The following GHITM variants were observed in gnomAD, a reference collection of about 807,000 sequenced individuals.
The protein encoded by GHITM is growth hormone inducible transmembrane protein.
Under a neutral mutation model 38.7 loss-of-function variants are expected in GHITM, and 24 were observed. The observed-to-expected ratio is 0.62, with a 90% CI of 0.45 to 0.87. The LOEUF (loss-of-function observed/expected upper bound fraction) is 0.87. GHITM is among the 40% of genes least tolerant of loss of function. The pLI is 0.00. For missense variants in GHITM, 420 were observed against 429.8 expected, an observed-to-expected ratio of 0.98 and a Z score of 0.20; for synonymous variants, 154 against 147.8, an observed-to-expected ratio of 1.04 and a Z score of -0.30.
chr10:84,142,173 A>G (rs1288555844), intron 2 of GHITM, among the ~76,000 whole-genome samples: 1 of 152,234 alleles, frequency 6.6e-6, no homozygotes, highest in Non-Finnish European at 1.5e-5. Flanking sequence ...TCCACTGTTG[A>G]AAAAGAGCCA....
intron 7 of GHITM, 21 bp from the exon 8 acceptor site, chr10:84,150,688 G>A (rs753812123): frequency 1.3e-6 from 2 of 1,564,656 alleles, no homozygotes; most frequent in South Asian, 1.2e-5. Context: ...AAAAAATCTT[G>A]TTTTCGCATT....
intron 1 of GHITM, 111 bp from the exon 2 acceptor site, chr10:84,141,351 T>C: frequency 4.9e-6 from 3 of 616,820 alleles, no homozygotes; most frequent in Non-Finnish European, 8.5e-6. Context: ...CCTGTTCTAC[T>C]AAAAAATAGT....
At chr10:84,144,149 G>T in intron 4 of GHITM, 43 bp downstream of exon 4, 1 of 1,247,646 alleles carries the variant, frequency 8.0e-7, no homozygotes, top group East Asian at 2.3e-5. Context: ...AACAACTCCA[G>T]CCTTAAAACA....
At chr10:84,146,518 A>G (rs945671757) in intron 5 of GHITM, among the ~76,000 whole-genome samples, 4 of 152,210 alleles carry the variant, frequency 2.6e-5, no homozygotes, top group African/African-American at 9.6e-5. Context: ...AACCATTTAC[A>G]GTAGCAGCCA....
At chr10:84,149,799 GGTT>G (rs1841593411) in intron 6 of GHITM, among the ~76,000 whole-genome samples, 1 of 152,146 alleles carries the variant, frequency 6.6e-6, no homozygotes, top group Non-Finnish European at 1.5e-5. Flanking sequence ...GGAATTTGAT[GGTT>G]ACTAAATAAG....
intron 3 of GHITM, among the ~76,000 whole-genome samples, chr10:84,142,971 T>A (rs1275761121): frequency 6.6e-6 from 1 of 152,190 alleles, no homozygotes; most frequent in African/African-American, 2.4e-5. Flanking sequence ...TTCCTTTTTT[T>A]TAAAGAAAAG....
intron 5 of GHITM, among the ~76,000 whole-genome samples, chr10:84,147,200 TTG>T (rs1165662474): frequency 6.6e-6 from 1 of 152,200 alleles, no homozygotes; most frequent in Non-Finnish European, 1.5e-5. Context: ...GTGAAATAGT[TTG>T]TAGTAATTAT....
chr10:84,147,945 T>C (rs370707831), intron 5 of GHITM, among the ~76,000 whole-genome samples: 188 of 152,336 alleles, frequency 1.2e-3, no homozygotes, highest in African/African-American at 4.4e-3. Context: ...TTAGCAAATA[T>C]GGAGTTCAAA....
intron 8 of GHITM, 109 bp from the exon 9 acceptor site, chr10:84,152,155 C>A (rs1281884613): frequency 1.0e-5 from 6 of 577,312 alleles, no homozygotes; most frequent in Non-Finnish European, 1.8e-5. Flanking sequence ...TTTTTAATTT[C>A]CATTTTATAT....
At chr10:84,143,038 G>C (rs984105753) in intron 3 of GHITM, among the ~76,000 whole-genome samples, 2 of 152,122 alleles carry the variant, frequency 1.3e-5, no homozygotes, top group African/African-American at 4.8e-5. Context: ...TTCATTTTAA[G>C]TGTGTAGAAT....
rs559728252 is a variant in GHITM at position 84,148,086 on chromosome 10, G to C, written c.484-644G>C. Among the ~76,000 whole-genome samples the C allele has an allele frequency of 5.3e-5, 8 of 151,990 alleles. No individual in the cohort carries two copies. The South Asian group carries it at 1.5e-3, about 28-fold the overall frequency. On this transcript the variant is annotated intron_variant, in intron 5 of 8. Transcript: ENST00000372134. ...AGTTAATTATCTTGGGATCCCTAAA[G>C]GGTTTTTGTTTCACCTCTGTCCAAC...
chr10:84,144,913 C>G lies in GHITM; in HGVS notation c.380C>G (p.Thr127Ser), dbSNP rs750083221. Residue 127 changes from threonine (T) to serine (S), a missense_variant, in exon 5 of 9, where the codon ACC becomes AGC. Thr to Ser is a moderately conservative substitution (Grantham distance 58). Transcript: ENST00000372134. ...PQYVKDRIHS[T>S]YMYLAGSIGL... ...TATGTCAAGGATAGAATTCATTCCA[C>G]CTATATGTACTTAGCAGGGAGTATT... is the stretch of plus-strand genomic sequence containing the variant. 3.1e-6 allele frequency: 5 copies of G among 1,605,688 alleles called. No individual in the cohort carries two copies. In the Admixed American group the frequency reaches 8.4e-5, roughly 27 times the overall value.
At position 84,145,108 on chromosome 10, in the gene GHITM, T is replaced by A. The variant is rs1317184153; in HGVS notation, c.483+92T>A. On this transcript the variant is annotated intron_variant, in intron 5 of 8. Transcript: ENST00000372134. ...GGGAAGGGTTATTAAATGGAAAGAA[T>A]ACTGTATTGAACAAGTTTTTGTTCA... 4 of 965,878 alleles carry A rather than the reference T, an allele frequency of 4.1e-6. No homozygotes were observed. The African/African-American group carries it at 5.0e-5, about 12-fold the overall frequency. The allele number at this position is 965,878 out of a possible 1,614,324, so 59.8% of individuals were successfully genotyped here.
At chr10:84,148,396 G>A (rs1237056895) in intron 5 of GHITM, among the ~76,000 whole-genome samples, 1 of 152,118 alleles carries the variant, frequency 6.6e-6, no homozygotes, top group Non-Finnish European at 1.5e-5. Flanking sequence ...GGGTTCAAGT[G>A]ATTTTCCCAC....
At chr10:84,147,624 T>G (rs976739341) in intron 5 of GHITM, among the ~76,000 whole-genome samples, 15 of 125,590 alleles carry the variant, frequency 1.2e-4, no homozygotes, top group South Asian at 2.4e-4. Context: ...TTCTTTTTTT[T>G]TGTTTGTTTT....
intron 6 of GHITM, among the ~76,000 whole-genome samples, chr10:84,149,687 C>G (rs1303213346): frequency 1.3e-5 from 2 of 152,164 alleles, no homozygotes; most frequent in Non-Finnish European, 2.9e-5. Context: ...CTTTTGACAG[C>G]AGTAGGTTTG....
intron 8 of GHITM, 54 bp from the exon 9 acceptor site, chr10:84,152,210 C>A: frequency 1.3e-6 from 1 of 790,646 alleles, no homozygotes; most frequent in South Asian, 1.7e-5. Flanking sequence ...ATTAAGAATT[C>A]AACATCACTA....
At chr10:84,146,474 A>G in intron 5 of GHITM, among the ~76,000 whole-genome samples, 1 of 152,170 alleles carries the variant, frequency 6.6e-6, no homozygotes, top group Non-Finnish European at 1.5e-5. Context: ...CGAAAACCAT[A>G]TTATTTTCAC....
chr10:84,150,905 CTG>C, intron 8 of GHITM, 25 bp downstream of exon 8: 1 of 1,478,880 alleles, frequency 6.8e-7, no homozygotes, highest in Non-Finnish European at 9.4e-7. Context: ...TTATTTAACA[CTG>C]TTACTCTGTC....
Sources: gnomAD v4.1 joint callset for allele counts (sites outside exome capture counted in the v4.1 genomes callset) on GRCh38, gnomAD v4.1.1 for gene constraint, MANE v1.5 for transcripts, NCBI Gene and HGNC (gene_info 2026-07-23, HGNC 2026-07-21) for gene names.